Variants in KAZN observed in about 807,000 individuals in gnomAD.
KAZN encodes the protein kazrin, periplakin interacting protein.
KAZN carries 40 observed loss-of-function variants against 87.4 expected under a neutral mutation model. The ratio of observed to expected loss-of-function variants is 0.46; its 90% CI spans 0.36 to 0.60. The LOEUF (loss-of-function observed/expected upper bound fraction) is 0.60, where lower values mean the gene tolerates loss of function less well. Ranked by LOEUF, KAZN falls within the 20% of genes least tolerant of loss-of-function variation. The pLI is 0.00. For synonymous variants in KAZN, 466 were observed against 458.3 expected (o/e 1.02, Z -0.22); for missense variants, 898 against 1,073.9 (o/e 0.84, Z 2.29).
chr1:14,452,930 C>T (rs1667354350), intron 2 of KAZN, among the ~76,000 whole-genome samples: 1 of 152,148 alleles, frequency 6.6e-6, no homozygotes, highest in Non-Finnish European at 1.5e-5. Flanking sequence ...AATCCACACT[C>T]TTCTTGAAAT....
At chr1:14,867,735 C>A (rs947382956) in intron 1 of KAZN, among the ~76,000 whole-genome samples, 1 of 121,570 alleles carries the variant, frequency 8.2e-6, no homozygotes, top group African/African-American at 3.1e-5. Flanking sequence ...CCCCCCCCCC[C>A]ACCCTGGGCA....
At chr1:13,989,672 G>A (rs1475331419) in intron 1 of KAZN, among the ~76,000 whole-genome samples, 1 of 152,168 alleles carries the variant, frequency 6.6e-6, no homozygotes, top group Non-Finnish European at 1.5e-5. Flanking sequence ...GCAAGATTCT[G>A]TACTAGCGGG....
At chr1:14,714,271 G>A (rs1203828735) in intron 1 of KAZN, among the ~76,000 whole-genome samples, 1 of 152,116 alleles carries the variant, frequency 6.6e-6, no homozygotes, top group Admixed American at 6.6e-5. Context: ...TTCTCAAGAG[G>A]CATCTGATGA....
At chr1:14,817,167 T>A (rs1646593063) in intron 1 of KAZN, among the ~76,000 whole-genome samples, 1 of 152,156 alleles carries the variant, frequency 6.6e-6, no homozygotes, top group Admixed American at 6.5e-5. Context: ...AGGCAAAACA[T>A]CCAGTACTTT....
At chr1:15,054,377 C>T (rs1453151055) in intron 4 of KAZN, among the ~76,000 whole-genome samples, 1 of 152,042 alleles carries the variant, frequency 6.6e-6, no homozygotes, top group Non-Finnish European at 1.5e-5. Flanking sequence ...TAGAAAATGA[C>T]TGTGATGAAA....
At chr1:14,137,701 C>CTTTTTTTTTT (rs35819477) in intron 1 of KAZN, among the ~76,000 whole-genome samples, 1 of 65,062 alleles carries the variant, frequency 1.5e-5, no homozygotes, top group Non-Finnish European at 2.6e-5. Flanking sequence ...AAATATAAGG[C>CTTTTTTTTTT]TTTTTTTTTT....
chr1:15,085,060 G>A (rs1288615803), intron 8 of KAZN, among the ~76,000 whole-genome samples: 1 of 151,966 alleles, frequency 6.6e-6, no homozygotes, highest in Admixed American at 6.6e-5. Flanking sequence ...AAAAAATATA[G>A]CTGATAACAT....
Position 15,079,890 on chromosome 1 carries a change from C to A in KAZN, c.1222+14137C>A, listed in dbSNP as rs189026952. Among the ~76,000 whole-genome samples, 5 of 152,338 alleles carry A rather than the reference C, an allele frequency of 3.3e-5. No homozygotes were observed. In the East Asian group the frequency reaches 9.6e-4, roughly 29 times the overall value. On this transcript the variant is annotated intron_variant, in intron 8 of 14. Transcript: ENST00000376030. ...GGTTAGCAAGGAAGAAAGAGGAAAG[C>A]TTTTGATGTATAGATATATATGTAA...
intron 1 of KAZN, among the ~76,000 whole-genome samples, chr1:14,770,701 G>A (rs542856006): frequency 1.2e-4 from 19 of 152,148 alleles, no homozygotes; most frequent in African/African-American, 4.1e-4. Flanking sequence ...AGTCCCATTT[G>A]TCATTCTTAA....
At chr1:14,653,635 C>T (rs958844611) in intron 1 of KAZN, among the ~76,000 whole-genome samples, 42 of 152,310 alleles carry the variant, frequency 2.8e-4, no homozygotes, top group Non-Finnish European at 5.3e-4. Context: ...AAAACACACC[C>T]GTAGGCCACA....
intron 2 of KAZN, among the ~76,000 whole-genome samples, chr1:14,278,291 C>CT (rs869207394): frequency 0.058 from 7,790 of 135,046 alleles, 411 homozygotes; most frequent in African/African-American, 0.12. Flanking sequence ...GCACTGATTC[C>CT]TTTTTTTTTT....
At chr1:14,345,737 G>C (rs1225040453) in intron 2 of KAZN, among the ~76,000 whole-genome samples, 1 of 152,166 alleles carries the variant, frequency 6.6e-6, no homozygotes, top group Non-Finnish European at 1.5e-5. Flanking sequence ...GAATACATGA[G>C]TGAATAAGTG....
intron 1 of KAZN, among the ~76,000 whole-genome samples, chr1:13,949,269 G>T (rs1179487249): frequency 6.6e-6 from 1 of 152,086 alleles, no homozygotes. Context: ...ACAAAGTGGC[G>T]TTTTGTTACT....
intron 2 of KAZN, among the ~76,000 whole-genome samples, chr1:14,413,520 C>T (rs889938866): frequency 7.6e-5 from 10 of 131,534 alleles, no homozygotes; most frequent in East Asian, 2.7e-4. Flanking sequence ...AAACCGGAGG[C>T]GGAGCTTGCA....
At chr1:14,334,732 G>T (rs1657104159) in intron 2 of KAZN, among the ~76,000 whole-genome samples, 1 of 152,210 alleles carries the variant, frequency 6.6e-6, no homozygotes, top group South Asian at 2.1e-4. Flanking sequence ...GTGACTGTTG[G>T]CAGAAGGTAG....
intron 2 of KAZN, among the ~76,000 whole-genome samples, chr1:14,986,897 A>G (rs1572990249): frequency 2.0e-5 from 3 of 152,076 alleles, no homozygotes; most frequent in Non-Finnish European, 4.4e-5. Flanking sequence ...ATTTTTCTCT[A>G]TCCAATTTAA....
chr1:14,744,680 G>T (rs1644212951), intron 1 of KAZN, among the ~76,000 whole-genome samples: 1 of 152,186 alleles, frequency 6.6e-6, no homozygotes, highest in South Asian at 2.1e-4. Flanking sequence ...AGGCTGCAGT[G>T]AGCTGTGATT....
intron 4 of KAZN, among the ~76,000 whole-genome samples, chr1:15,051,058 G>C (rs12138732): frequency 6.6e-6 from 1 of 152,200 alleles, no homozygotes; most frequent in Non-Finnish European, 1.5e-5. Flanking sequence ...CTCAGTGCCC[G>C]TTTGGCGCAG....
intron 1 of KAZN, among the ~76,000 whole-genome samples, chr1:14,053,105 G>A (rs1183210533): frequency 6.6e-6 from 1 of 152,170 alleles, no homozygotes; most frequent in African/African-American, 2.4e-5. Context: ...CAGTGGTCAC[G>A]GGATCTTACT....
Sources: gnomAD v4.1 joint callset for allele counts (sites outside exome capture counted in the v4.1 genomes callset) on GRCh38, gnomAD v4.1.1 for gene constraint, MANE v1.5 for transcripts, NCBI Gene and HGNC (gene_info 2026-07-23, HGNC 2026-07-21) for gene names.